Variants in PUM1 observed in about 807,000 individuals in gnomAD.
PUM1 encodes the protein pumilio homolog 1.
In PUM1, 13 loss-of-function variants were observed where a neutral mutation model predicts 131.8. The observed-to-expected ratio is 0.10, with a 90% CI of 0.06 to 0.16. The LOEUF is 0.16. PUM1 is among the 10% of genes least tolerant of loss of function. The pLI, the probability that PUM1 is intolerant of heterozygous loss-of-function variation, is 1.00. For synonymous variants in PUM1, 509 were observed against 556.5 expected, an observed-to-expected ratio of 0.91 and a Z score of 1.20; for missense variants, 961 against 1,512.4, an observed-to-expected ratio of 0.64 and a Z score of 6.05.
chr1:30,935,473 A>T (rs1639168692), intron 21 of PUM1, among the ~76,000 whole-genome samples: 1 of 152,234 alleles, frequency 6.6e-6, no homozygotes, highest in Admixed American at 6.5e-5. Context: ...TGAGAATACG[A>T]CCTGCTGTAC....
At position 30,953,885 on chromosome 1, in the gene PUM1, G is replaced by C. The variant is rs779524509; in HGVS notation, c.2420C>G (p.Pro807Arg). The change falls in exon 15 of 22, where the codon CCG becomes CGG. Residue 807 changes from proline to arginine, a missense_variant. By Grantham distance (103) the Pro-to-Arg change is moderately radical. Around this residue, in one of 4 missense-constraint regions of PUM1, gnomAD observed 117 missense variants for 200.7 expected, o/e 0.58. Coordinates refer to ENST00000426105, the MANE Select transcript of PUM1 (RefSeq NM_001020658.2). ...SASSASSLFS[P>R]SSTLFSSSRL... is the part of the protein sequence containing the mutation. ...AGAGGAAGAGAAAAGAGTGCTGCTC[G>C]GGCTGAAGAGGCTGGAGGCGCTGCT... 2.5e-6 allele frequency: 4 copies of C among 1,614,072 alleles called. No homozygotes were observed. Among genetic ancestry groups the C allele is most frequent in the Non-Finnish European group, 3.4e-6 (4 of 1,180,046 alleles).
rs191929690 is a variant in PUM1 at position 30,992,963 on chromosome 1, C to A, written c.888-303G>T. On this transcript the variant is annotated intron_variant, in intron 6 of 21. Coordinates refer to ENST00000426105, the MANE Select transcript of PUM1 (RefSeq NM_001020658.2). Reference sequence around the variant, plus strand: ...TGAAATAAAGTGGAAAAATCACTGTCTATAGCATCCATGAAAGCAGATCCC... The same window carrying A: ...TGAAATAAAGTGGAAAAATCACTGTATATAGCATCCATGAAAGCAGATCCC... 3.3e-5 allele frequency among the ~76,000 whole-genome samples: 5 copies of A among 152,250 alleles called. No homozygotes were observed. The East Asian group carries it at 9.7e-4, about 29-fold the overall frequency.
At chr1:31,022,239 T>C (rs1437427338) in intron 3 of PUM1, among the ~76,000 whole-genome samples, 2 of 152,190 alleles carry the variant, frequency 1.3e-5, no homozygotes, top group East Asian at 3.9e-4. Flanking sequence ...TGATATCATA[T>C]AGATCATTAT....
intron 2 of PUM1, among the ~76,000 whole-genome samples, chr1:31,048,012 G>A (rs1053655322): frequency 6.6e-6 from 1 of 151,806 alleles, no homozygotes; most frequent in Non-Finnish European, 1.5e-5. Context: ...AGGCCGAGGC[G>A]GGTGGATCAT....
chr1:31,040,163 T>TCCC (rs1219003825), intron 2 of PUM1, among the ~76,000 whole-genome samples: 5 of 152,010 alleles, frequency 3.3e-5, no homozygotes, highest in African/African-American at 9.7e-5. Context: ...CATGCGATCC[T>TCCC]CCCACATTGG....
At chr1:30,956,064 G>C (rs567966293) in intron 14 of PUM1, among the ~76,000 whole-genome samples, 1 of 152,208 alleles carries the variant, frequency 6.6e-6, no homozygotes, top group Non-Finnish European at 1.5e-5. Context: ...TTCAGAACAG[G>C]GCTCTTGACT....
intron 2 of PUM1, among the ~76,000 whole-genome samples, 195 bp downstream of exon 2, chr1:31,059,009 T>C (rs1461088628): frequency 1.3e-5 from 2 of 152,180 alleles, no homozygotes; most frequent in Non-Finnish European, 2.9e-5. Flanking sequence ...ATGAATTGGC[T>C]ATTTACTATT....
Position 31,038,984 on chromosome 1 carries a change from A to ATATATTTTTTTTTTT in PUM1, c.364-10121_364-10120insAAAAAAAAAAATATA. ...TATATATATATATATATATATATAT[A>ATATATTTTTTTTTTT]TTTTTTTTTTTTTTTTCCTTTTCTC... On this transcript the variant is annotated intron_variant, in intron 2 of 21. Coordinates refer to ENST00000426105, the MANE Select transcript of PUM1 (RefSeq NM_001020658.2). 2.4e-4 allele frequency among the ~76,000 whole-genome samples: 12 copies of ATATATTTTTTTTTTT among 49,418 alleles called. No individual in the cohort carries two copies. The South Asian group carries it at 3.3e-3, about 14-fold the overall frequency. 32.4% of individuals were successfully genotyped at this position (49,418 alleles called of 152,430 possible). A position where few individuals can be genotyped will look rare whatever the true frequency, so the allele number is the denominator to read the frequency against.
At chr1:30,954,689 T>G (rs1476799306) in intron 14 of PUM1, among the ~76,000 whole-genome samples, 1 of 152,210 alleles carries the variant, frequency 6.6e-6, no homozygotes, top group Admixed American at 6.5e-5. Flanking sequence ...TTCATGCCAC[T>G]GATAATGCTG....
Position 30,966,093 on chromosome 1 carries a change from A to T in PUM1, c.1975T>A (p.Ser659Thr). The T allele has an allele frequency of 6.2e-7, 1 of 1,614,150 alleles. No individual in the cohort carries two copies. The highest frequency in any genetic ancestry group is 8.5e-7 in the Non-Finnish European group (1 of 1,180,012). Reference protein sequence around the residue: ...NSLNSNSQSSSLFSQGSAQPA... With the variant: ...NSLNSNSQSSTLFSQGSAQPA... ...TGGGCAGAGCCCTGGGAGAAGAGGG[A>T]GCTGCTCTGTGAATTGCTGTTCAGA... Residue 659 changes from serine to threonine, a missense_variant, in exon 13 of 22, where the codon TCC becomes ACC. Around this residue, in one of 4 missense-constraint regions of PUM1, gnomAD observed 654 missense variants for 923.9 expected, o/e 0.71. Transcript: ENST00000426105.
chr1:30,960,695 C>T (rs1449571033), intron 14 of PUM1, among the ~76,000 whole-genome samples: 1 of 152,124 alleles, frequency 6.6e-6, no homozygotes, highest in African/African-American at 2.4e-5. Flanking sequence ...AGAAGCAGTG[C>T]AAGACCTGCA....
chr1:30,980,004 C>T lies in PUM1; in HGVS notation c.1354+58G>A. 3.3e-6 allele frequency: 4 copies of T among 1,201,298 alleles called. No homozygotes were observed. In the South Asian group the frequency reaches 5.8e-5, roughly 17 times the overall value. 74.4% of individuals were successfully genotyped at this position (1,201,298 alleles called of 1,614,324 possible). On this transcript the variant is annotated intron_variant, in intron 9 of 21. Transcript: ENST00000426105. ...GGGAAAGAGTATAAAGAATGCACGC[C>T]CATCTCAAATGACTTTTCAGCAGGT...
At chr1:31,034,116 C>T (rs1408386400) in intron 2 of PUM1, among the ~76,000 whole-genome samples, 2 of 152,160 alleles carry the variant, frequency 1.3e-5, no homozygotes, top group Non-Finnish European at 2.9e-5. Flanking sequence ...TTAAACCATG[C>T]ATTCTGGAAT....
intron 5 of PUM1, among the ~76,000 whole-genome samples, chr1:31,003,473 C>T (rs1642287362): frequency 6.6e-6 from 1 of 152,138 alleles, no homozygotes; most frequent in Non-Finnish European, 1.5e-5. Context: ...AATCAGTTCA[C>T]TGGCCGGGCG....
intron 1 of PUM1, among the ~76,000 whole-genome samples, chr1:31,064,774 G>T (rs958883845): frequency 1.2e-5 from 1 of 83,150 alleles, no homozygotes; most frequent in African/African-American, 4.5e-5. Context: ...GGGGGGGGGG[G>T]GGGGGGCTAT....
intron 14 of PUM1, among the ~76,000 whole-genome samples, chr1:30,962,439 G>T (rs1420913253): frequency 6.6e-6 from 1 of 152,012 alleles, no homozygotes; most frequent in Non-Finnish European, 1.5e-5. Context: ...TTGAGACAGG[G>T]TCTTACTCTG....
At chr1:31,007,585 C>T (rs558220229) in intron 3 of PUM1, among the ~76,000 whole-genome samples, 1 of 152,310 alleles carries the variant, frequency 6.6e-6, no homozygotes, top group East Asian at 1.9e-4. Context: ...GCAAAATTCA[C>T]TTCCTTTATA....
intron 16 of PUM1, among the ~76,000 whole-genome samples, chr1:30,950,517 T>A (rs576488510): frequency 2.0e-5 from 3 of 152,376 alleles, no homozygotes; most frequent in Admixed American, 2.0e-4. Flanking sequence ...ACTATTAATA[T>A]CTGCTAAGCA....
chr1:30,942,060 G>C lies in PUM1; in HGVS notation c.3058C>G (p.Leu1020Val), dbSNP rs781775328. 6.2e-7 allele frequency: 1 copy of C among 1,601,678 alleles called. No individual in the cohort carries two copies. The change falls in exon 19 of 22, where the codon CTC becomes GTC. Residue 1020 changes from leucine (L) to valine (V), a missense_variant. Around this residue, in one of 4 missense-constraint regions of PUM1, gnomAD observed 178 missense variants for 327.5 expected, o/e 0.54. Transcript: ENST00000426105. Reference protein sequence around the residue: ...RVIQRILEHCLPDQTLPILEE... With the variant: ...RVIQRILEHCVPDQTLPILEE... The stretch of plus-strand genomic sequence containing the variant: ...AAAATAGGGAGTGTCTGGTCAGGGA[G>C]ACAGTGCTCCAGGATTCTCTGAATC...
Sources: allele counts gnomAD v4.1 joint callset (sites outside exome capture counted in the v4.1 genomes callset), GRCh38; gene constraint gnomAD v4.1.1; regional missense constraint gnomAD v4.1.1; transcripts MANE v1.5; gene names NCBI Gene and HGNC (gene_info 2026-07-23, HGNC 2026-07-21).